Variants in CRISP2 observed in about 807,000 individuals in gnomAD.
CRISP2 encodes cysteine-rich secretory protein 2.
CRISP2 carries 29 observed loss-of-function variants against 31.7 expected under a neutral mutation model. That is an observed-to-expected ratio of 0.92 (90% CI 0.68 to 1.25). CRISP2 has a LOEUF of 1.25. CRISP2 is among the 50% of genes most tolerant of loss of function. CRISP2 has a pLI of 0.00. For missense variants in CRISP2, 318 were observed against 286.5 expected, an observed-to-expected ratio of 1.11 and a Z score of -0.79; for synonymous variants, 111 against 101.4, an observed-to-expected ratio of 1.09 and a Z score of -0.57.
chr6:49,708,241 AAT>A (rs565510522), intron 4 of CRISP2, among the ~76,000 whole-genome samples: 1 of 152,296 alleles, frequency 6.6e-6, no homozygotes, highest in East Asian at 1.9e-4. Context: ...CTAGAAAAAT[AAT>A]TTAAACATGA....
At chr6:49,711,405 A>C (rs1767990939) in intron 2 of CRISP2, 84 bp from the exon 3 acceptor site, 1 of 152,220 alleles carries the variant, frequency 6.6e-6, no homozygotes, top group East Asian at 1.9e-4. Flanking sequence ...GTTTTGTTAA[A>C]TAAATCTAAG....
the CRISP2 span, among the ~76,000 whole-genome samples, chr6:49,682,953 G>A: frequency 1.3e-5 from 2 of 151,716 alleles, no homozygotes; most frequent in Non-Finnish European, 2.9e-5. Context: ...GAGGTCAAGA[G>A]TTCAGAACCA....
At chr6:49,697,987 A>C (rs1397743804) in intron 7 of CRISP2, 30 bp from the exon 8 acceptor site, 1 of 1,485,796 alleles carries the variant, frequency 6.7e-7, no homozygotes. Flanking sequence ...TAAATATATA[A>C]AAGTACATTA....
the CRISP2 span, among the ~76,000 whole-genome samples, chr6:49,685,717 GA>G: frequency 6.6e-6 from 1 of 152,096 alleles, no homozygotes; most frequent in Non-Finnish European, 1.5e-5. Flanking sequence ...TACCTAGAAG[GA>G]ATATGGCATT....
intron 4 of CRISP2, among the ~76,000 whole-genome samples, chr6:49,701,485 C>CGT (rs148496285): frequency 6.6e-4 from 54 of 81,504 alleles, no homozygotes; most frequent in African/African-American, 2.3e-3. Context: ...AGCAGTATTA[C>CGT]GTGTGTGTGT....
intron 2 of CRISP2, among the ~76,000 whole-genome samples, chr6:49,712,016 G>A (rs1768101000): frequency 1.3e-5 from 2 of 152,176 alleles, no homozygotes; most frequent in South Asian, 4.1e-4. Context: ...TGATTGAATT[G>A]CTAATTACTA....
chr6:49,707,684 C>T (rs1482005737), intron 4 of CRISP2, among the ~76,000 whole-genome samples: 4 of 152,030 alleles, frequency 2.6e-5, no homozygotes, highest in Non-Finnish European at 4.4e-5. Flanking sequence ...TTCTGAATGC[C>T]AAATGAAGTT....
At chr6:49,705,222 A>G (rs924168341) in intron 4 of CRISP2, among the ~76,000 whole-genome samples, 3 of 151,930 alleles carry the variant, frequency 2.0e-5, no homozygotes, top group African/African-American at 2.4e-5. Flanking sequence ...TCTCAGGCCA[A>G]TGGAGTTATG....
chr6:49,691,394 T>C (rs919789720), downstream of CRISP2, among the ~76,000 whole-genome samples: 4 of 152,154 alleles, frequency 2.6e-5, no homozygotes, highest in East Asian at 1.9e-4. Flanking sequence ...AAAGAAATTC[T>C]TGGGGAGCTA....
intron 6 of CRISP2, 64 bp downstream of exon 6, chr6:49,699,740 C>G: frequency 1.7e-6 from 2 of 1,146,048 alleles, no homozygotes; most frequent in Non-Finnish European, 2.6e-6. Flanking sequence ...ATAGAGCATC[C>G]TACAATGCTC....
At chr6:49,691,566 A>G (rs1320618459), downstream of CRISP2, among the ~76,000 whole-genome samples, 2 of 151,962 alleles carry the variant, frequency 1.3e-5, no homozygotes, top group Non-Finnish European at 2.9e-5. Flanking sequence ...TTTTTCATCT[A>G]TGCTCATGAT....
In CRISP2 at chr6:49,707,484, C is replaced by T. The variant is rs1479543783; in HGVS notation, c.66+1647G>A. 2.0e-5 allele frequency among the ~76,000 whole-genome samples: 3 copies of T among 152,002 alleles called. 1 individual carries two copies. Among genetic ancestry groups the T allele is most frequent in the Non-Finnish European group, 4.4e-5 (3 of 68,006 alleles). The stretch of plus-strand genomic sequence containing the variant: ...GTGCCAAAGACAAAATGACATCTCA[C>T]TTTTTAATAATTTTATAAATGAAGA... On this transcript the variant is annotated intron_variant, in intron 4 of 9. Transcript: ENST00000339139.
At position 49,703,116 on chromosome 6, in the gene CRISP2, T is replaced by C. The variant is rs190600008; in HGVS notation, c.67-2332A>G. ...ATGTTTTTGTTTGCTTTGTTGAAGG[T>C]CAGTTGGCTGTAAGTATTTGGCCTT... On this transcript the variant is annotated intron_variant, in intron 4 of 9. Coordinates refer to ENST00000339139, the MANE Select transcript of CRISP2 (RefSeq NM_003296.4). Among the ~76,000 whole-genome samples, 27 of 152,276 alleles carry C rather than the reference T, an allele frequency of 1.8e-4. No individual in the cohort carries two copies. In the East Asian group the frequency reaches 4.4e-3, roughly 25 times the overall value.
At chr6:49,702,462 C>G (rs954506874) in intron 4 of CRISP2, among the ~76,000 whole-genome samples, 2 of 151,498 alleles carry the variant, frequency 1.3e-5, no homozygotes, top group Non-Finnish European at 2.9e-5. Context: ...ACATCCACAC[C>G]GGTATCTATT....
chr6:49,697,986 A>G (rs758568730), intron 7 of CRISP2, 29 bp from the exon 8 acceptor site: 5 of 1,490,258 alleles, frequency 3.4e-6, no homozygotes, highest in Non-Finnish European at 3.6e-6. Context: ...ATAAATATAT[A>G]AAAGTACATT....
chr6:49,708,109 A>G (rs1016831940), intron 4 of CRISP2, among the ~76,000 whole-genome samples: 6 of 152,156 alleles, frequency 3.9e-5, no homozygotes, highest in East Asian at 1.9e-4. Flanking sequence ...TTAATATTAT[A>G]TAAGTATATT....
intron 4 of CRISP2, among the ~76,000 whole-genome samples, chr6:49,703,685 A>G (rs935740380): frequency 6.6e-6 from 1 of 152,152 alleles, no homozygotes; most frequent in Non-Finnish European, 1.5e-5. Flanking sequence ...TAGGACTACA[A>G]TCTGTTCTGG....
At chr6:49,695,796 T>C in intron 9 of CRISP2, 40 bp downstream of exon 9, 1 of 1,283,552 alleles carries the variant, frequency 7.8e-7, no homozygotes, top group Non-Finnish European at 1.1e-6. Flanking sequence ...TAATATCAAT[T>C]CTATAATAAA....
chr6:49,694,766 G>C (rs187916710), intron 9 of CRISP2, among the ~76,000 whole-genome samples: 1 of 142,542 alleles, frequency 7.0e-6, no homozygotes, highest in African/African-American at 2.6e-5. Flanking sequence ...AGACAGTCTC[G>C]CTCTGTTGCC....
Sources: allele counts gnomAD v4.1 joint callset (sites outside exome capture counted in the v4.1 genomes callset), GRCh38; gene constraint gnomAD v4.1.1; transcripts MANE v1.5; gene names NCBI Gene and HGNC (gene_info 2026-07-23, HGNC 2026-07-21).